The following ITPK1 variants were observed in gnomAD, a reference collection of about 807,000 sequenced individuals.
The protein encoded by ITPK1 is inositol 1,3,4-trisphosphate 5/6-kinase.
Under a neutral mutation model 45.3 loss-of-function variants are expected in ITPK1, and 21 were observed. The ratio of observed to expected loss-of-function variants is 0.46; its 90% CI spans 0.33 to 0.67. The LOEUF is 0.67. ITPK1 is among the 30% of genes least tolerant of loss of function. The probability of loss-of-function intolerance (pLI) is 0.02; values close to 1 mark genes in which losing one functional copy is unlikely to be tolerated. For synonymous variants in ITPK1, 258 were observed against 253.6 expected, an observed-to-expected ratio of 1.02 and a Z score of -0.16; for missense variants, 474 against 573.5, an observed-to-expected ratio of 0.83 and a Z score of 1.77.
chr14:93,085,091 G>A (rs2139996977), intron 2 of ITPK1, among the ~76,000 whole-genome samples: 1 of 152,326 alleles, frequency 6.6e-6, no homozygotes, highest in African/African-American at 2.4e-5. Context: ...TGTCACCCCT[G>A]CCCGCCTGCC....
At chr14:92,946,219 TG>T in intron 10 of ITPK1, 111 bp downstream of exon 10, 1 of 1,267,162 alleles carries the variant, frequency 7.9e-7, no homozygotes, top group African/African-American at 1.5e-5. Flanking sequence ...CCGGACCTCG[TG>T]GTGAGGGAGA....
intron 2 of ITPK1, among the ~76,000 whole-genome samples, chr14:93,091,634 A>T (rs1419051887): frequency 6.6e-6 from 1 of 152,138 alleles, no homozygotes; most frequent in African/African-American, 2.4e-5. Context: ...TGGGCATGTA[A>T]CTCAGGACAC....
rs763266199 is a variant in ITPK1 at position 93,034,990 on chromosome 14, A to T, written c.121-18189T>A. Among the ~76,000 whole-genome samples, 8 of 152,182 alleles carry T rather than the reference A, an allele frequency of 5.3e-5. No individual in the cohort carries two copies. The highest frequency in any genetic ancestry group is 8.8e-5 in the Non-Finnish European group (6 of 68,012). On this transcript the variant is annotated intron_variant, in intron 3 of 10. Transcript: ENST00000267615. This position sits in a 1 kb window ranked among gnomAD's most constrained non-coding sequence, Gnocchi z 4.1. ...TCTGGGCACCTGCACCTACAAAGCA[A>T]GTCCTACAGGGTGAACACACCTCCT...
chr14:92,967,777 A>G (rs1284737111), intron 5 of ITPK1, among the ~76,000 whole-genome samples: 1 of 152,194 alleles, frequency 6.6e-6, no homozygotes, highest in Non-Finnish European at 1.5e-5. Flanking sequence ...CCATAAAAAC[A>G]CTGGGCTAAG....
chr14:93,017,225 A>G (rs1189099074), intron 3 of ITPK1, among the ~76,000 whole-genome samples: 1 of 152,246 alleles, frequency 6.6e-6, no homozygotes, highest in Non-Finnish European at 1.5e-5. Flanking sequence ...TAAATGACTA[A>G]CATCGCACAG....
intron 5 of ITPK1, among the ~76,000 whole-genome samples, chr14:92,973,343 G>A (rs1284055218): frequency 6.6e-6 from 1 of 152,222 alleles, no homozygotes; most frequent in Non-Finnish European, 1.5e-5. Flanking sequence ...AACAAAAGGA[G>A]GAGGGAAGCC....
chr14:92,945,355 G>A (rs572185367), intron 10 of ITPK1, among the ~76,000 whole-genome samples: 20 of 152,362 alleles, frequency 1.3e-4, no homozygotes, highest in Non-Finnish European at 2.1e-4. Context: ...TGCCCAGCCA[G>A]TGTGTGGGGC....
intron 3 of ITPK1, among the ~76,000 whole-genome samples, chr14:93,049,460 T>C (rs1329103963): frequency 6.6e-6 from 1 of 152,104 alleles, no homozygotes; most frequent in East Asian, 1.9e-4. Context: ...CAGGTGTTGC[T>C]GGTGTCTGAG....
chr14:93,035,584 A>T (rs1220731229), intron 3 of ITPK1, among the ~76,000 whole-genome samples: 1 of 151,794 alleles, frequency 6.6e-6, no homozygotes, highest in African/African-American at 2.4e-5. Context: ...CTGCCTAGGA[A>T]ACAGGACGGG....
At chr14:92,956,730 T>C (rs758809120) in intron 8 of ITPK1, among the ~76,000 whole-genome samples, 2 of 152,054 alleles carry the variant, frequency 1.3e-5, no homozygotes, top group African/African-American at 2.4e-5. Context: ...CCTCTTAATT[T>C]AATATATTTT....
chr14:93,114,934 G>C, intron 2 of ITPK1, 135 bp downstream of exon 2: 1 of 516,434 alleles, frequency 1.9e-6, no homozygotes, highest in Non-Finnish European at 3.3e-6. Context: ...CTCGGACTCA[G>C]TCTCCCCGCG....
At chr14:93,027,110 GCA>G (rs140894557) in intron 3 of ITPK1, among the ~76,000 whole-genome samples, 2,147 of 152,304 alleles carry the variant, frequency 0.014, 53 homozygotes, top group African/African-American at 0.048. Flanking sequence ...TACTGGATAT[GCA>G]CAGAGTATCT....
intron 3 of ITPK1, among the ~76,000 whole-genome samples, chr14:93,018,862 G>A (rs528530780): frequency 5.3e-5 from 8 of 152,352 alleles, no homozygotes; most frequent in African/African-American, 1.7e-4. Flanking sequence ...GATGGAGGCT[G>A]TGCAGCAATG....
intron 2 of ITPK1, among the ~76,000 whole-genome samples, chr14:93,104,634 G>A (rs1305201054): frequency 6.6e-6 from 1 of 152,140 alleles, no homozygotes; most frequent in Non-Finnish European, 1.5e-5. Flanking sequence ...GCCTCTCCCT[G>A]AGTCTCAGGG....
chr14:93,076,146 G>A lies in ITPK1; in HGVS notation c.120+449C>T, dbSNP rs1361537677. ...CTGTCCACCTTTCCCCTCCCTCCAA[G>A]ATCCTTCCTTCCCCCTCCATCCATT... On this transcript the variant is annotated intron_variant, in intron 3 of 10. Transcript: ENST00000267615. The surrounding 1 kb of genome is among the most constrained non-coding windows in gnomAD (Gnocchi z 4.3). Among the ~76,000 whole-genome samples the A allele has an allele frequency of 6.7e-6, 1 of 149,192 alleles. No homozygotes were observed. The highest frequency in any genetic ancestry group is 1.5e-5 in the Non-Finnish European group (1 of 67,422).
chr14:93,021,654 G>C (rs144180973), intron 3 of ITPK1, among the ~76,000 whole-genome samples: 1 of 152,220 alleles, frequency 6.6e-6, no homozygotes, highest in African/African-American at 2.4e-5. Context: ...CTCCATGCCA[G>C]TGGTGTGTTT....
intron 5 of ITPK1, among the ~76,000 whole-genome samples, chr14:92,972,233 T>C (rs1885698397): frequency 6.6e-6 from 1 of 152,180 alleles, no homozygotes; most frequent in African/African-American, 2.4e-5. Context: ...TGAGCGCTGT[T>C]TCCAAGTTGA....
Position 92,958,330 on chromosome 14 carries a change from T to C in ITPK1, c.541A>G (p.Ile181Val), listed in dbSNP as rs954828104. 1.2e-6 allele frequency: 2 copies of C among 1,614,202 alleles called. No homozygotes were observed. The highest frequency in any genetic ancestry group is 1.7e-6 in the Non-Finnish European group (2 of 1,180,032). The stretch of plus-strand genomic sequence containing the variant: ...TTCTGGACCACGCAGGGTGGCTGGA[T>C]GGCGTTCAGGCCCTCCTGGTTGAAC... ...IVFNQEGLNA[I>V]QPPCVVQNFI... The change falls in exon 8 of 11, where the codon ATC (isoleucine) becomes GTC (valine). Residue 181 changes from isoleucine (I) to valine (V), a missense_variant. Ile to Val is a conservative substitution (Grantham distance 29). Coordinates refer to ENST00000267615, the MANE Select transcript of ITPK1 (RefSeq NM_014216.6). The surrounding 1 kb of genome is among the most constrained non-coding windows in gnomAD (Gnocchi z 4.4).
At position 93,089,166 on chromosome 14, in the gene ITPK1, C is replaced by T. The variant is rs577871018; in HGVS notation, c.96-12547G>A. ...CCCCAGGAGGCCAAAAGGATGGATG[C>T]CATTGCCCCAGGGGCCCCAAGACCT... On this transcript the variant is annotated intron_variant, in intron 2 of 10. Transcript: ENST00000267615. Among the ~76,000 whole-genome samples, 6 of 152,328 alleles carry T rather than the reference C, an allele frequency of 3.9e-5. No homozygotes were observed. In the East Asian group the frequency reaches 1.2e-3, roughly 29 times the overall value.
Sources: gnomAD v4.1 joint callset for allele counts (sites outside exome capture counted in the v4.1 genomes callset) on GRCh38, gnomAD v4.1.1 for gene constraint, Gnocchi (gnomAD v3.1) non-coding constraint, MANE v1.5 for transcripts, NCBI Gene and HGNC (gene_info 2026-07-23, HGNC 2026-07-21) for gene names.